The following USH2A variants were observed in gnomAD, a reference collection of about 807,000 sequenced individuals.
The protein encoded by USH2A is usherin.
In USH2A, 443 loss-of-function variants were observed where a neutral mutation model predicts 538.9. That is an observed-to-expected ratio of 0.82 (90% CI 0.76 to 0.89). USH2A has a LOEUF of 0.89. USH2A is among the 40% of genes least tolerant of loss of function. USH2A has a pLI of 0.00. For synonymous variants in USH2A, 2,413 were observed against 2,273.5 expected, an observed-to-expected ratio of 1.06 and a Z score of -1.75; for missense variants, 6,633 against 6,324.8, an observed-to-expected ratio of 1.05 and a Z score of -1.65.
intron 67 of USH2A, 110 bp from the exon 68 acceptor site, chr1:215,640,844 C>CAAAAACAAACCAACCAAAA: frequency 2.0e-6 from 1 of 496,052 alleles, no homozygotes; most frequent in South Asian, 2.7e-5. Flanking sequence ...CCAATCCAAA[C>CAAAAACAAACCAACCAAAA]AAAAAAAAAA....
chr1:215,976,305 T>C (rs997168433), intron 35 of USH2A, among the ~76,000 whole-genome samples: 3 of 152,170 alleles, frequency 2.0e-5, no homozygotes, highest in Admixed American at 2.0e-4. Flanking sequence ...CTTTTATTTC[T>C]TTCTTGTGCC....
chr1:216,085,709 T>C (rs923870925), intron 24 of USH2A, among the ~76,000 whole-genome samples: 1 of 149,286 alleles, frequency 6.7e-6, no homozygotes, highest in African/African-American at 2.5e-5. Flanking sequence ...AAACAAAGGC[T>C]GTGTACGTGA....
chr1:216,332,088 C>G (rs548447969), intron 4 of USH2A, among the ~76,000 whole-genome samples: 17 of 152,224 alleles, frequency 1.1e-4, no homozygotes, highest in Non-Finnish European at 2.2e-4. Flanking sequence ...TGAAAATGAA[C>G]AGTTTGCAAT....
intron 47 of USH2A, among the ~76,000 whole-genome samples, chr1:215,826,956 G>T (rs980425055): frequency 6.6e-6 from 1 of 152,116 alleles, no homozygotes; most frequent in Non-Finnish European, 1.5e-5. Context: ...ATATGTCCTC[G>T]ATAATATGCA....
chr1:215,976,101 T>A (rs923542090), intron 35 of USH2A, among the ~76,000 whole-genome samples: 2 of 152,314 alleles, frequency 1.3e-5, no homozygotes, highest in Admixed American at 1.3e-4. Context: ...CATTCTTGAT[T>A]TGGCTCTCAG....
chr1:215,882,686 T>C lies in USH2A; in HGVS notation c.8224-3588A>G, dbSNP rs1664945725. Among the ~76,000 whole-genome samples, 4 of 152,232 alleles carry C rather than the reference T, an allele frequency of 2.6e-5. No homozygotes were observed. In the South Asian group the frequency reaches 8.3e-4, roughly 32 times the overall value. ...TATCCTAGGTCTCTCTCTCTTTCTC[T>C]TTTATTTTTTAAAAACTTTTCACAG... On this transcript the variant is annotated intron_variant, in intron 41 of 71. Coordinates refer to ENST00000307340, the MANE Select transcript of USH2A (RefSeq NM_206933.4).
At position 216,316,103 on chromosome 1, in the gene USH2A, T is replaced by A. The variant is rs1172827803; in HGVS notation, c.1644+5780A>T. ...CAAGGCCTTAAAATTGCCAGTACAA[T>A]ACAAAAATGTATCGGAGTTCCTGGT... On this transcript the variant is annotated intron_variant, in intron 9 of 71. Transcript: ENST00000307340. Among the ~76,000 whole-genome samples, 4 of 152,076 alleles carry A rather than the reference T, an allele frequency of 2.6e-5. No homozygotes were observed. The East Asian group carries it at 7.7e-4, about 29-fold the overall frequency.
rs764865550 is a variant in USH2A at position 215,878,841 on chromosome 1, C to A, written c.8481G>T (p.Leu2827Phe). The A allele has an allele frequency of 3.1e-6, 5 of 1,613,914 alleles. No homozygotes were observed. In the East Asian group the frequency reaches 1.1e-4, roughly 36 times the overall value. The part of the protein sequence containing the change: ...HPTVPQNVGP[L>F]SVIPLSESYV... ...ATGATTCACTTAGTGGAATCACAGA[C>A]AATGGGCCAACATTCTGAGGTACGG... Residue 2827 changes from leucine (L) to phenylalanine (F), a missense_variant, in exon 42 of 72, where the codon TTG (leucine) becomes TTT (phenylalanine). Coordinates refer to ENST00000307340, the MANE Select transcript of USH2A (RefSeq NM_206933.4).
At chr1:216,154,216 T>C (rs1367188475) in intron 21 of USH2A, among the ~76,000 whole-genome samples, 1 of 152,136 alleles carries the variant, frequency 6.6e-6, no homozygotes, top group Non-Finnish European at 1.5e-5. Flanking sequence ...GAAACCCTAT[T>C]TCATTAAAAA....
chr1:215,648,686 G>C lies in USH2A; in HGVS notation c.14424C>G (p.Cys4808Trp). The change falls in exon 66 of 72, where the codon TGC becomes TGG. Residue 4808 changes from cysteine (C) to tryptophan (W), a missense_variant. Coordinates refer to ENST00000307340, the MANE Select transcript of USH2A (RefSeq NM_206933.4). ...CTTTGCTGCAACAGTTGAAGCAGGT[G>C]CAGGCCTCTACTCCAATAGAGTAGT... ...FTNYSIGVEA[C>W]TCFNCCSKGP... 6.2e-7 allele frequency: 1 copy of C among 1,614,218 alleles called. No homozygotes were observed. The highest frequency in any genetic ancestry group is 8.5e-7 in the Non-Finnish European group (1 of 1,180,038).
intron 61 of USH2A, among the ~76,000 whole-genome samples, chr1:215,703,689 A>G (rs966458096): frequency 6.6e-6 from 1 of 152,104 alleles, no homozygotes; most frequent in Non-Finnish European, 1.5e-5. Flanking sequence ...TCCTAGGTTG[A>G]CTTCAGACTG....
chr1:216,189,816 G>A (rs2034679427), intron 20 of USH2A, among the ~76,000 whole-genome samples: 1 of 151,936 alleles, frequency 6.6e-6, no homozygotes, highest in African/African-American at 2.4e-5. Context: ...GTCCTCATAA[G>A]AAGCTTCCTG....
chr1:216,276,553 TTA>T (rs2036673922), intron 11 of USH2A, among the ~76,000 whole-genome samples: 1 of 152,086 alleles, frequency 6.6e-6, no homozygotes, highest in South Asian at 2.1e-4. Context: ...AGGAGGCTGA[TTA>T]TATTCTGTTC....
At chr1:216,299,032 C>CG (rs1314043657) in intron 9 of USH2A, among the ~76,000 whole-genome samples, 3 of 151,866 alleles carry the variant, frequency 2.0e-5, no homozygotes, top group Non-Finnish European at 4.4e-5. Flanking sequence ...TTAGTAGAGA[C>CG]GGGGTTTCAC....
intron 30 of USH2A, among the ~76,000 whole-genome samples, chr1:216,059,710 A>G (rs2031108567): frequency 6.6e-6 from 1 of 152,214 alleles, no homozygotes; most frequent in Admixed American, 6.5e-5. Context: ...TCTCACTTTT[A>G]TATGAACCTA....
At chr1:216,308,356 T>C (rs1215927357) in intron 9 of USH2A, among the ~76,000 whole-genome samples, 1 of 152,182 alleles carries the variant, frequency 6.6e-6, no homozygotes, top group Non-Finnish European at 1.5e-5. Context: ...TCCTGAAATT[T>C]CCAGATTTTG....
chr1:215,978,243 C>T (rs572519147), intron 35 of USH2A, among the ~76,000 whole-genome samples: 50 of 152,248 alleles, frequency 3.3e-4, no homozygotes, highest in Middle Eastern at 3.4e-3. Context: ...TTGTTGTTGT[C>T]ATTGCTGTAA....
chr1:215,745,796 A>T (rs2820721), intron 58 of USH2A, among the ~76,000 whole-genome samples: 1 of 152,128 alleles, frequency 6.6e-6, no homozygotes, highest in African/African-American at 2.4e-5. Context: ...TTAGAGTAGG[A>T]CAACTTGGGG....
At chr1:216,377,854 A>G (rs763643665) in intron 3 of USH2A, among the ~76,000 whole-genome samples, 5 of 139,400 alleles carry the variant, frequency 3.6e-5, no homozygotes, top group Non-Finnish European at 4.7e-5. Flanking sequence ...AAAGAAAGAA[A>G]GAAAGAAAGA....
Sources: gnomAD v4.1 joint callset for allele counts (sites outside exome capture counted in the v4.1 genomes callset) on GRCh38, gnomAD v4.1.1 for gene constraint, MANE v1.5 for transcripts, NCBI Gene and HGNC (gene_info 2026-07-23, HGNC 2026-07-21) for gene names.